Variants in PRH1 observed in about 807,000 individuals in gnomAD.
PRH1 encodes the protein salivary acidic proline-rich phosphoprotein 1/2.
Under a neutral mutation model 7.9 loss-of-function variants are expected in PRH1, and 7 were observed. The ratio of observed to expected loss-of-function variants is 0.89; its 90% CI spans 0.50 to 1.67. The LOEUF is 1.67. Ranked by LOEUF, PRH1 falls within the 40% of genes most tolerant of loss-of-function variation. PRH1 has a pLI of 0.00. For synonymous variants in PRH1, 45 were observed against 80.8 expected, an observed-to-expected ratio of 0.56 and a Z score of 2.38; for missense variants, 109 against 223.6, an observed-to-expected ratio of 0.49 and a Z score of 3.27.
intron 1 of PRH1, among the ~76,000 whole-genome samples, chr12:11,086,919 C>G (rs113648870): frequency 0.028 from 1,999 of 71,524 alleles, 499 homozygotes; most frequent in African/African-American, 0.071. Context: ...CTCAAAAACA[C>G]CACCACCACC....
At chr12:11,083,757 C>A (rs1400341495) in intron 1 of PRH1, among the ~76,000 whole-genome samples, 12 of 152,288 alleles carry the variant, frequency 7.9e-5, no homozygotes, top group African/African-American at 2.4e-4. Context: ...TAGAATTTCA[C>A]CACCAGTGTA....
chr12:11,118,539 T>C (rs750409668), downstream of PRH1, among the ~76,000 whole-genome samples: 2 of 151,990 alleles, frequency 1.3e-5, no homozygotes, highest in Non-Finnish European at 2.9e-5. Context: ...AAAATTAGAG[T>C]TACCATATGA....
intron 1 of PRH1, among the ~76,000 whole-genome samples, chr12:11,041,617 T>C (rs1269965602): frequency 1.3e-5 from 2 of 152,196 alleles, no homozygotes; most frequent in Non-Finnish European, 2.9e-5. Context: ...ATCTGCACTA[T>C]GGAACAAACT....
At position 10,929,369 on chromosome 12, in the gene PRH1, CTGAT is replaced by C. The variant is rs376532784; in HGVS notation, c.-59+44282_-59+44285del. On this transcript the variant is annotated intron_variant, in intron 2 of 3. Coordinates refer to the PRH1 transcript ENST00000539853. ...CGAATTGGGGGAAGATATTGTGACT[CTGAT>C]TGGGGTTTACGGGCGAATGCTATAG... The C allele has an allele frequency of 7.6e-5, 123 of 1,613,686 alleles. No homozygotes were observed. The African/African-American group carries it at 1.5e-3, about 19-fold the overall frequency.
chr12:10,917,177 C>T (rs1299378508), intron 2 of PRH1, among the ~76,000 whole-genome samples: 3 of 152,074 alleles, frequency 2.0e-5, no homozygotes, highest in African/African-American at 7.2e-5. Flanking sequence ...GTCATTGAAG[C>T]AGATATCCTG....
chr12:11,138,268 C>G (rs1253650696), intron 1 of PRH1, among the ~76,000 whole-genome samples: 1 of 152,080 alleles, frequency 6.6e-6, no homozygotes, highest in African/African-American at 2.4e-5. Flanking sequence ...TTTTCACATT[C>G]TTAGCTATGG....
intron 2 of PRH1, chr12:10,908,965 C>T (rs1239409630): frequency 1.2e-6 from 2 of 1,613,600 alleles, no homozygotes; most frequent in Non-Finnish European, 1.7e-6. Flanking sequence ...GAGAAACTCG[C>T]TATTTTGAGC....
intron 1 of PRH1, among the ~76,000 whole-genome samples, chr12:10,993,168 A>G (rs1331912201): frequency 6.6e-6 from 1 of 152,160 alleles, no homozygotes; most frequent in African/African-American, 2.4e-5. Flanking sequence ...CTGAGAAAAC[A>G]TGGTTTCTGG....
At chr12:11,030,814 A>G (rs1343986508) in intron 1 of PRH1, 6 of 1,614,194 alleles carry the variant, frequency 3.7e-6, no homozygotes, top group Non-Finnish European at 5.1e-6. Context: ...TCGCATCTGA[A>G]AGGTACACTG....
chr12:10,918,750 A>C (rs927443773), intron 2 of PRH1, among the ~76,000 whole-genome samples: 4 of 152,186 alleles, frequency 2.6e-5, no homozygotes, highest in Admixed American at 2.0e-4. Context: ...CTTGTTATTC[A>C]TTTTACCATA....
At chr12:10,961,494 T>C (rs1938232357) in intron 2 of PRH1, among the ~76,000 whole-genome samples, 1 of 150,880 alleles carries the variant, frequency 6.6e-6, no homozygotes, top group African/African-American at 2.5e-5. Context: ...AAGCCAGCCA[T>C]GATTGGAAGA....
chr12:11,070,281 G>C (rs1944005423), intron 1 of PRH1, among the ~76,000 whole-genome samples: 1 of 152,166 alleles, frequency 6.6e-6, no homozygotes, highest in African/African-American at 2.4e-5. Flanking sequence ...CCTTCTGTGG[G>C]CATTCCACCA....
chr12:10,943,586 T>C (rs563247617), intron 2 of PRH1, among the ~76,000 whole-genome samples: 17 of 152,304 alleles, frequency 1.1e-4, no homozygotes, highest in African/African-American at 3.9e-4. Flanking sequence ...TAGGATCCCA[T>C]TTGTCAATTT....
chr12:10,977,082 T>C (rs1939137425), intron 1 of PRH1, among the ~76,000 whole-genome samples: 1 of 152,146 alleles, frequency 6.6e-6, no homozygotes, highest in Admixed American at 6.5e-5. Flanking sequence ...AGCAGCACCC[T>C]AATACCTAAA....
intron 2 of PRH1, among the ~76,000 whole-genome samples, chr12:10,946,816 C>G (rs1353358813): frequency 2.6e-5 from 4 of 152,156 alleles, no homozygotes; most frequent in African/African-American, 2.4e-5. Flanking sequence ...AGTTGTGTCT[C>G]AGAGATTCTG....
At chr12:11,030,995 G>C in intron 1 of PRH1, 1 of 1,614,292 alleles carries the variant, frequency 6.2e-7, no homozygotes, top group Non-Finnish European at 8.5e-7. Context: ...AATAAGGTTG[G>C]AGAAATTGGC....
intron 2 of PRH1, among the ~76,000 whole-genome samples, chr12:10,970,415 T>C (rs541225683): frequency 5.9e-5 from 9 of 152,298 alleles, no homozygotes; most frequent in Admixed American, 2.0e-4. Flanking sequence ...ACTTTGTGCA[T>C]TGTAAATAAA....
chr12:11,158,429 AATTAC>A (rs1254427829), intron 1 of PRH1, among the ~76,000 whole-genome samples: 2 of 152,140 alleles, frequency 1.3e-5, no homozygotes, highest in East Asian at 1.9e-4. Flanking sequence ...TTGTTCAAAA[AATTAC>A]ATTACACTTT....
At chr12:11,022,028 G>C in intron 1 of PRH1, 3 of 1,610,826 alleles carry the variant, frequency 1.9e-6, no homozygotes, top group South Asian at 2.2e-5. Flanking sequence ...AGGTTTGCTA[G>C]AGTAGTTACA....
Sources: allele counts gnomAD v4.1 joint callset (sites outside exome capture counted in the v4.1 genomes callset), GRCh38; gene constraint gnomAD v4.1.1; transcripts MANE v1.5; gene names NCBI Gene and HGNC (gene_info 2026-07-23, HGNC 2026-07-21).